Variants in CADM2 observed in about 807,000 individuals in gnomAD.
CADM2 encodes immunoglobulin superfamily member 4D.
In CADM2, 12 loss-of-function variants were observed where a neutral mutation model predicts 49.8. The observed-to-expected ratio is 0.24, with a 90% CI of 0.15 to 0.39. The LOEUF is 0.39. CADM2 is among the 10% of genes least tolerant of loss of function. CADM2 has a pLI of 1.00. For synonymous variants in CADM2, 214 were observed against 175.4 expected, an observed-to-expected ratio of 1.22 and a Z score of -1.74; for missense variants, 378 against 492.3, an observed-to-expected ratio of 0.77 and a Z score of 2.20.
intron 1 of CADM2, among the ~76,000 whole-genome samples, chr3:85,374,115 A>G (rs1403998930): frequency 6.6e-6 from 1 of 152,126 alleles, no homozygotes. Context: ...CAAATCTTCC[A>G]AAGTTTTATG....
chr3:85,297,577 T>G (rs2043997371), intron 1 of CADM2, among the ~76,000 whole-genome samples: 1 of 152,004 alleles, frequency 6.6e-6, no homozygotes, highest in South Asian at 2.1e-4. Flanking sequence ...TAAGGCAGAC[T>G]CCTAATAACA....
At chr3:86,021,191 G>A (rs1478528592) in intron 8 of CADM2, among the ~76,000 whole-genome samples, 1 of 152,118 alleles carries the variant, frequency 6.6e-6, no homozygotes, top group Non-Finnish European at 1.5e-5. Context: ...GTAGAGATGA[G>A]GTTTTGCCAT....
intron 1 of CADM2, among the ~76,000 whole-genome samples, chr3:85,210,582 C>T (rs1034239838): frequency 2.6e-5 from 4 of 151,852 alleles, no homozygotes; most frequent in Non-Finnish European, 4.4e-5. Context: ...GGCTCTGTTG[C>T]CCAGGTTGGA....
intron 1 of CADM2, among the ~76,000 whole-genome samples, chr3:85,295,472 C>T (rs1189306491): frequency 6.6e-6 from 1 of 152,112 alleles, no homozygotes; most frequent in Non-Finnish European, 1.5e-5. Context: ...AATCATGCTG[C>T]TATAAAGACA....
chr3:85,322,256 G>T (rs1354472061), intron 1 of CADM2, among the ~76,000 whole-genome samples: 1 of 152,110 alleles, frequency 6.6e-6, no homozygotes, highest in Non-Finnish European at 1.5e-5. Context: ...CTTAATTCTT[G>T]TTGTTATCTG....
At chr3:86,058,286 A>G (rs1232303806) in intron 8 of CADM2, among the ~76,000 whole-genome samples, 1 of 152,190 alleles carries the variant, frequency 6.6e-6, no homozygotes, top group Non-Finnish European at 1.5e-5. Context: ...AGGCTGAAAA[A>G]GGAAACCTAT....
At chr3:85,638,334 T>C (rs1282124771) in intron 1 of CADM2, among the ~76,000 whole-genome samples, 2 of 152,298 alleles carry the variant, frequency 1.3e-5, no homozygotes, top group Non-Finnish European at 2.9e-5. Context: ...AATTATAATA[T>C]TTAATTTCTG....
intron 1 of CADM2, among the ~76,000 whole-genome samples, chr3:85,045,201 G>A (rs2035606130): frequency 6.6e-6 from 1 of 152,112 alleles, no homozygotes; most frequent in African/African-American, 2.4e-5. Flanking sequence ...TCCTGAAGCT[G>A]AATATGCTAT....
At chr3:85,732,686 A>G (rs1322022841) in intron 2 of CADM2, among the ~76,000 whole-genome samples, 2 of 152,214 alleles carry the variant, frequency 1.3e-5, no homozygotes, top group African/African-American at 4.8e-5. Flanking sequence ...AAATGTTACC[A>G]TGTGTGAGAC....
chr3:85,750,368 G>A (rs2068811032), intron 2 of CADM2, among the ~76,000 whole-genome samples: 1 of 151,980 alleles, frequency 6.6e-6, no homozygotes, highest in African/African-American at 2.4e-5. Context: ...TTATTCATCT[G>A]TCTTTAAGCT....
intron 1 of CADM2, among the ~76,000 whole-genome samples, chr3:85,617,416 C>T (rs1209811039): frequency 1.3e-5 from 2 of 152,190 alleles, no homozygotes; most frequent in Non-Finnish European, 2.9e-5. Context: ...TGGAGGGGTA[C>T]TACAAGAGCT....
At chr3:85,743,943 A>G (rs948290537) in intron 2 of CADM2, among the ~76,000 whole-genome samples, 19 of 152,172 alleles carry the variant, frequency 1.2e-4, no homozygotes, top group Admixed American at 2.6e-4. Flanking sequence ...GGCAAGTTCT[A>G]CTTTAGGTAC....
chr3:85,963,651 TAATATACCTA>T (rs1725118280), intron 8 of CADM2, among the ~76,000 whole-genome samples: 1 of 151,786 alleles, frequency 6.6e-6, no homozygotes, highest in Non-Finnish European at 1.5e-5. Context: ...ACAGAAAAAA[TAATATACCTA>T]AATGAAAAGT....
intron 1 of CADM2, among the ~76,000 whole-genome samples, chr3:85,308,571 CCATTAA>C (rs1318851233): frequency 6.6e-6 from 1 of 151,878 alleles, no homozygotes; most frequent in Non-Finnish European, 1.5e-5. Flanking sequence ...TTCTACAGAG[CCATTAA>C]CTCAATATGG....
chr3:86,004,047 GA>G (rs1730491048), intron 8 of CADM2, among the ~76,000 whole-genome samples: 1 of 152,052 alleles, frequency 6.6e-6, no homozygotes, highest in Non-Finnish European at 1.5e-5. Context: ...GCTCTATTAA[GA>G]AAGATAAGGA....
intron 3 of CADM2, among the ~76,000 whole-genome samples, chr3:85,875,119 G>A (rs1466450642): frequency 1.3e-5 from 2 of 152,108 alleles, no homozygotes; most frequent in African/African-American, 2.4e-5. Flanking sequence ...CTGGAGCAAT[G>A]GTTGTCTTTA....
intron 1 of CADM2, among the ~76,000 whole-genome samples, chr3:85,337,808 T>G (rs2045130423): frequency 6.6e-6 from 1 of 151,584 alleles, no homozygotes; most frequent in African/African-American, 2.4e-5. Context: ...ATTTTCTCCT[T>G]CTTCACAATT....
intron 1 of CADM2, among the ~76,000 whole-genome samples, chr3:85,548,324 G>C (rs1413671263): frequency 1.1e-5 from 1 of 90,854 alleles, no homozygotes; most frequent in Non-Finnish European, 2.8e-5. Context: ...GCTCTGTCAT[G>C]TTATGACCTC....
chr3:85,178,559 T>G (rs2040844161), intron 1 of CADM2, among the ~76,000 whole-genome samples: 1 of 151,898 alleles, frequency 6.6e-6, no homozygotes, highest in Non-Finnish European at 1.5e-5. Context: ...CATACTTTCT[T>G]GATTCTGGAG....
Sources: gnomAD v4.1 joint callset for allele counts (sites outside exome capture counted in the v4.1 genomes callset) on GRCh38, gnomAD v4.1.1 for gene constraint, MANE v1.5 for transcripts, NCBI Gene and HGNC (gene_info 2026-07-23, HGNC 2026-07-21) for gene names.